The following PLXDC1 variants were observed in gnomAD, a reference collection of about 807,000 sequenced individuals.
PLXDC1 encodes plexin domain-containing protein 1.
In PLXDC1, 39 loss-of-function variants were observed where a neutral mutation model predicts 61.3. The ratio of observed to expected loss-of-function variants is 0.64; its 90% CI spans 0.49 to 0.83. The LOEUF (loss-of-function observed/expected upper bound fraction) is 0.83, where lower values mean the gene tolerates loss of function less well. Ranked by LOEUF, PLXDC1 falls within the 40% of genes least tolerant of loss-of-function variation. PLXDC1 has a pLI of 0.00. For missense variants in PLXDC1, 596 were observed against 666.5 expected (o/e 0.89, Z 1.17); for synonymous variants, 212 against 254.5 (o/e 0.83, Z 1.59).
chr17:39,082,170 GC>G (rs1909587493), intron 9 of PLXDC1, among the ~76,000 whole-genome samples: 1 of 152,178 alleles, frequency 6.6e-6, no homozygotes, highest in South Asian at 2.1e-4. Flanking sequence ...GCCTATAAAG[GC>G]GAGAACTTCT....
chr17:39,102,308 G>A (rs1170565167), intron 7 of PLXDC1, among the ~76,000 whole-genome samples: 1 of 152,058 alleles, frequency 6.6e-6, no homozygotes, highest in African/African-American at 2.4e-5. Flanking sequence ...CCTTGCCTTG[G>A]GACACACGGC....
chr17:39,093,391 C>G (rs983401165), intron 7 of PLXDC1, among the ~76,000 whole-genome samples: 8 of 152,120 alleles, frequency 5.3e-5, no homozygotes, highest in African/African-American at 1.9e-4. Flanking sequence ...TACAATTTAC[C>G]GAGCCCAGTT....
intron 2 of PLXDC1, among the ~76,000 whole-genome samples, chr17:39,121,809 T>G (rs547173482): frequency 3.9e-5 from 6 of 152,262 alleles, no homozygotes; most frequent in African/African-American, 1.2e-4. Context: ...GCAGAAAGAT[T>G]GCCCGTAATA....
intron 7 of PLXDC1, among the ~76,000 whole-genome samples, chr17:39,088,679 G>T (rs963468196): frequency 2.6e-5 from 4 of 152,276 alleles, no homozygotes; most frequent in Middle Eastern, 6.8e-3. Context: ...GGTGGCTCAT[G>T]CCTGTAATCC....
chr17:39,122,094 CA>C (rs766421360), intron 2 of PLXDC1, among the ~76,000 whole-genome samples: 4,031 of 77,882 alleles, frequency 0.052, 190 homozygotes, highest in East Asian at 0.3. Context: ...AAGACTCTGT[CA>C]AAAAAAAAAA....
chr17:39,124,562 C>T (rs1911261235), intron 2 of PLXDC1, among the ~76,000 whole-genome samples: 1 of 152,196 alleles, frequency 6.6e-6, no homozygotes, highest in Non-Finnish European at 1.5e-5. Context: ...CACTGTGTTC[C>T]AGCCTGGGCA....
At chr17:39,070,061 G>A (rs1385436948) in intron 12 of PLXDC1, 45 bp from the exon 13 acceptor site, 8 of 1,530,588 alleles carry the variant, frequency 5.2e-6, no homozygotes, top group Non-Finnish European at 7.2e-6. Context: ...AGGGGAGCAG[G>A]GAAGGTCGAA....
At position 39,072,480 on chromosome 17, in the gene PLXDC1, T is replaced by C; in HGVS notation, c.1192A>G (p.Thr398Ala). ...CCTCCTGCATAGGGATTCAACTTGG[T>C]GTCATCTTCAAAGAGAGAAGACAGA... Reference protein sequence around the residue: ...FIDSLTTEDDTKLNPYAGGDG... With the variant: ...FIDSLTTEDDAKLNPYAGGDG... Residue 398 changes from threonine to alanine, a missense_variant, in exon 12 of 14, where the codon ACC becomes GCC. Physicochemically the swap from Thr to Ala is moderately conservative, Grantham distance 58. Coordinates refer to ENST00000315392, the MANE Select transcript of PLXDC1 (RefSeq NM_020405.5). 6.5e-7 allele frequency: 1 copy of C among 1,545,020 alleles called. No homozygotes were observed. Among genetic ancestry groups the C allele is most frequent in the Non-Finnish European group, 8.8e-7 (1 of 1,136,948 alleles).
rs1908915601 is a variant in PLXDC1, at chr17:39,066,844, A to G, written c.*996T>C. 1 of 152,224 alleles carries G rather than the reference A, an allele frequency of 6.6e-6. No homozygotes were observed. Among genetic ancestry groups the G allele is most frequent in the Admixed American group, 6.5e-5 (1 of 15,284 alleles). The allele number at this position is 152,224 out of a possible 1,614,324, so 9.4% of individuals were successfully genotyped here. A position where few individuals can be genotyped will look rare whatever the true frequency, so the allele number is the denominator to read the frequency against. ...GGTGATCCGCCTGCCTCAGCCTCCC[A>G]AAGTGCTGGGATTACAGGCGTGAGC... On this transcript the variant is annotated 3_prime_UTR_variant, in exon 14 of 14. Transcript: ENST00000315392.
intron 11 of PLXDC1, among the ~76,000 whole-genome samples, chr17:39,077,297 C>T (rs1317265561): frequency 6.6e-6 from 1 of 152,150 alleles, no homozygotes. Context: ...ACAAGGCTTC[C>T]TGGGACACCG....
chr17:39,122,410 G>T (rs1166927685), intron 2 of PLXDC1, among the ~76,000 whole-genome samples: 2 of 150,844 alleles, frequency 1.3e-5, no homozygotes, highest in African/African-American at 4.9e-5. Context: ...AAAAAGACTG[G>T]GGTGCCCTCT....
chr17:39,076,052 TG>T (rs1909315584), intron 11 of PLXDC1, among the ~76,000 whole-genome samples: 1 of 129,496 alleles, frequency 7.7e-6, no homozygotes, highest in Non-Finnish European at 1.5e-5. Flanking sequence ...CACTCCAGCC[TG>T]GGCAACAGAG....
At chr17:39,139,607 T>TGCC in intron 2 of PLXDC1, 47 bp downstream of exon 2, 2 of 1,504,866 alleles carry the variant, frequency 1.3e-6, no homozygotes, top group Non-Finnish European at 1.8e-6. Flanking sequence ...TGGTGAGACC[T>TGCC]CCCCCACCCC....
chr17:39,144,138 G>A (rs573563669), intron 1 of PLXDC1, among the ~76,000 whole-genome samples: 1 of 152,284 alleles, frequency 6.6e-6, no homozygotes, highest in African/African-American at 2.4e-5. Context: ...GGAAGGACAG[G>A]GAGGGGGCCC....
intron 2 of PLXDC1, among the ~76,000 whole-genome samples, chr17:39,118,084 C>CCCTCCCTTCCTTCCTTCCTTCCTT (rs575592391): frequency 4.5e-4 from 46 of 101,920 alleles, no homozygotes; most frequent in African/African-American, 1.7e-3. Context: ...CTCCCTCCCT[C>CCCTCCCTTCCTTCCTTCCTTCCTT]CCTTCCTTCC....
intron 2 of PLXDC1, among the ~76,000 whole-genome samples, chr17:39,111,027 G>A (rs1225898153): frequency 2.0e-5 from 3 of 152,046 alleles, no homozygotes; most frequent in South Asian, 2.1e-4. Context: ...CACTGTCCTC[G>A]AGACGAAAAC....
In PLXDC1 at chr17:39,107,434, G is replaced by C. The variant is rs202196665; in HGVS notation, c.684C>G (p.Asp228Glu). The C allele has an allele frequency of 6.2e-7, 1 of 1,613,066 alleles. No individual in the cohort carries two copies. Among genetic ancestry groups the C allele is most frequent in the East Asian group, 2.2e-5 (1 of 44,874 alleles). ...CTTTATAGGCAAAGACAATGCGGCC[G>C]TCATGGTGCAGAGCTGCCTGGAAGG... ...SFTFQAALHH[D>E]GRIVFAYKEI... Residue 228 changes from aspartate to glutamate, a missense_variant, in exon 6 of 14, where the codon GAC becomes GAG. Asp to Glu is a conservative substitution (Grantham distance 45, BLOSUM62 2). Transcript: ENST00000315392.
chr17:39,087,556 T>C (rs748902689), intron 8 of PLXDC1, 51 bp downstream of exon 8: 3 of 1,390,842 alleles, frequency 2.2e-6, no homozygotes, highest in Non-Finnish European at 3.1e-6. Context: ...ATGAAGCCAG[T>C]CTGCTTGACT....
At chr17:39,106,087 T>C (rs989573352) in intron 6 of PLXDC1, 134 bp from the exon 7 acceptor site, 1 of 578,452 alleles carries the variant, frequency 1.7e-6, no homozygotes, top group Non-Finnish European at 3.1e-6. Flanking sequence ...GGAAGCCCAG[T>C]GGGACCCCAC....
Sources: allele counts gnomAD v4.1 joint callset (sites outside exome capture counted in the v4.1 genomes callset), GRCh38; gene constraint gnomAD v4.1.1; transcripts MANE v1.5; gene names NCBI Gene and HGNC (gene_info 2026-07-23, HGNC 2026-07-21).